Variants in PARD3B observed in about 807,000 individuals in gnomAD.
PARD3B encodes the protein par-3 family cell polarity regulator beta, also known as partitioning defective 3 homolog B.
Under a neutral mutation model 130.2 loss-of-function variants are expected in PARD3B, and 103 were observed. The observed-to-expected ratio is 0.79, with a 90% CI of 0.67 to 0.93. PARD3B has a LOEUF of 0.93. Among genes scored for constraint, PARD3B ranks in the 40% least tolerant of loss-of-function variants. The pLI is 0.00. For synonymous variants in PARD3B, 583 were observed against 553.2 expected, an observed-to-expected ratio of 1.05 and a Z score of -0.76; for missense variants, 1,609 against 1,499.2, an observed-to-expected ratio of 1.07 and a Z score of -1.21.
intron 1 of PARD3B, among the ~76,000 whole-genome samples, chr2:204,616,504 G>T (rs186069494): frequency 1.3e-5 from 2 of 152,090 alleles, no homozygotes; most frequent in Non-Finnish European, 2.9e-5. Flanking sequence ...ACAGGAACTC[G>T]TTCATTACTG....
At chr2:204,921,604 G>A (rs2047683658) in intron 2 of PARD3B, among the ~76,000 whole-genome samples, 2 of 152,106 alleles carry the variant, frequency 1.3e-5, no homozygotes, top group African/African-American at 4.8e-5. Context: ...CAGTGAAATA[G>A]CAGTTATCCA....
chr2:205,138,589 A>G (rs2032690461), intron 10 of PARD3B, among the ~76,000 whole-genome samples: 1 of 152,194 alleles, frequency 6.6e-6, no homozygotes, highest in Non-Finnish European at 1.5e-5. Flanking sequence ...TTTATCTGTA[A>G]AAGGAGGAAA....
chr2:205,213,911 A>G (rs902404223), intron 15 of PARD3B, among the ~76,000 whole-genome samples: 8 of 152,138 alleles, frequency 5.3e-5, no homozygotes, highest in African/African-American at 1.9e-4. Flanking sequence ...AATTGGAGGA[A>G]TCTATGAATA....
At chr2:205,537,102 G>T (rs1372446175) in intron 21 of PARD3B, among the ~76,000 whole-genome samples, 1 of 152,026 alleles carries the variant, frequency 6.6e-6, no homozygotes, top group Non-Finnish European at 1.5e-5. Context: ...ACCTCTTAGG[G>T]ATGTTAAGAG....
At chr2:205,154,807 C>T (rs973716286) in intron 10 of PARD3B, among the ~76,000 whole-genome samples, 1 of 152,128 alleles carries the variant, frequency 6.6e-6, no homozygotes, top group Non-Finnish European at 1.5e-5. Context: ...CAGAAAACCA[C>T]ACACCGCATG....
At chr2:205,213,753 T>C (rs1487512002) in intron 15 of PARD3B, among the ~76,000 whole-genome samples, 1 of 152,048 alleles carries the variant, frequency 6.6e-6, no homozygotes, top group Non-Finnish European at 1.5e-5. Flanking sequence ...AGGAAAGTGT[T>C]TGGGAAAGGC....
chr2:205,145,227 AT>A (rs2033264405), intron 10 of PARD3B, among the ~76,000 whole-genome samples: 1 of 152,070 alleles, frequency 6.6e-6, no homozygotes. Flanking sequence ...TTAAGATTAT[AT>A]TTTTTAACTA....
intron 4 of PARD3B, among the ~76,000 whole-genome samples, chr2:205,067,881 A>G (rs1200671211): frequency 1.3e-5 from 2 of 152,040 alleles, no homozygotes; most frequent in African/African-American, 2.4e-5. Flanking sequence ...GCCATGATGC[A>G]TTCTGTTTTA....
At chr2:205,251,297 A>G (rs918330) in intron 16 of PARD3B, among the ~76,000 whole-genome samples, 130,232 of 152,134 alleles carry the variant, frequency 0.86, 56,121 homozygotes, top group East Asian at 0.98. Context: ...GGGCCAAGTT[A>G]AGAGCTGTAT....
chr2:204,942,850 A>G (rs753899515), intron 2 of PARD3B, among the ~76,000 whole-genome samples: 31 of 152,260 alleles, frequency 2.0e-4, no homozygotes, highest in Non-Finnish European at 3.7e-4. Context: ...ATTAAGAAAT[A>G]CTTTTTGTGA....
rs1277965213 is a variant in PARD3B at position 205,116,010 on chromosome 2, T to C, written c.680+2433T>C. On this transcript the variant is annotated intron_variant, in intron 6 of 22. Coordinates refer to ENST00000406610, the MANE Select transcript of PARD3B (RefSeq NM_001302769.2). The surrounding 1 kb of genome is among the most constrained non-coding windows in gnomAD (Gnocchi z 4.5). ...AAACCTAATCTAAGTTAGATCATCC[T>C]AATAAGTAAATTATAGTGGCTGCTC... 6.6e-6 allele frequency among the ~76,000 whole-genome samples: 1 copy of C among 152,164 alleles called. No homozygotes were observed. Among genetic ancestry groups the C allele is most frequent in the Non-Finnish European group, 1.5e-5 (1 of 68,024 alleles).
At chr2:204,805,595 C>A (rs371696155) in intron 2 of PARD3B, among the ~76,000 whole-genome samples, 1 of 151,922 alleles carries the variant, frequency 6.6e-6, no homozygotes, top group African/African-American at 2.4e-5. Flanking sequence ...CAAAAGCAGA[C>A]AAATACAAAT....
intron 15 of PARD3B, among the ~76,000 whole-genome samples, chr2:205,193,594 G>A (rs1384563313): frequency 2.6e-5 from 4 of 152,166 alleles, no homozygotes; most frequent in African/African-American, 9.7e-5. Flanking sequence ...CCTTCTGGAG[G>A]ATCTGAATTC....
At chr2:205,370,003 C>A (rs2044749687) in intron 18 of PARD3B, among the ~76,000 whole-genome samples, 1 of 152,192 alleles carries the variant, frequency 6.6e-6, no homozygotes, top group African/African-American at 2.4e-5. Flanking sequence ...GTCCCCAGAG[C>A]CCCTCCCTGC....
intron 2 of PARD3B, among the ~76,000 whole-genome samples, chr2:204,959,848 T>C (rs926960764): frequency 2.0e-5 from 3 of 152,194 alleles, no homozygotes; most frequent in Non-Finnish European, 4.4e-5. Context: ...TGGCAATTAA[T>C]ATCTACATAT....
At chr2:205,464,229 C>A (rs545048054) in intron 20 of PARD3B, among the ~76,000 whole-genome samples, 4 of 152,110 alleles carry the variant, frequency 2.6e-5, no homozygotes, top group African/African-American at 9.6e-5. Context: ...ATAGGAGGTA[C>A]CATACTGTAA....
intron 22 of PARD3B, among the ~76,000 whole-genome samples, chr2:205,587,664 A>C (rs1230525290): frequency 1.3e-5 from 2 of 152,044 alleles, no homozygotes; most frequent in East Asian, 3.9e-4. Context: ...GGGCTATTTT[A>C]GTTGGGTTTT....
chr2:205,168,286 A>AGG (rs1332367499), intron 11 of PARD3B, among the ~76,000 whole-genome samples: 10 of 116,858 alleles, frequency 8.6e-5, no homozygotes, highest in African/African-American at 1.3e-4. Flanking sequence ...GGGGTGAGAA[A>AGG]GGGAGAGAGA....
chr2:204,728,680 A>G (rs1336630613), intron 2 of PARD3B, among the ~76,000 whole-genome samples: 3 of 152,152 alleles, frequency 2.0e-5, no homozygotes, highest in Admixed American at 2.0e-4. Context: ...TGTCTTCCCT[A>G]TTTTTCAAAT....
Sources: gnomAD v4.1 joint callset for allele counts (sites outside exome capture counted in the v4.1 genomes callset) on GRCh38, gnomAD v4.1.1 for gene constraint, Gnocchi (gnomAD v3.1) non-coding constraint, MANE v1.5 for transcripts, NCBI Gene and HGNC (gene_info 2026-07-23, HGNC 2026-07-21) for gene names.